LRBA: variants seen among roughly 807,000 people sequenced by gnomAD.
The protein encoded by LRBA is LPS responsive beige-like anchor protein.
Under a neutral mutation model 330.0 loss-of-function variants are expected in LRBA, and 176 were observed. The observed-to-expected ratio is 0.53, with a 90% CI of 0.47 to 0.60. LRBA has a LOEUF of 0.60. Ranked by LOEUF, LRBA falls within the 20% of genes least tolerant of loss-of-function variation. LRBA has a pLI of 0.00. For missense variants in LRBA, 3,259 were observed against 3,444.8 expected (o/e 0.95, Z 1.35); for synonymous variants, 1,230 against 1,193.0 (o/e 1.03, Z -0.64).
chr4:150,267,669 A>C (rs1217294960), intron 56 of LRBA, among the ~76,000 whole-genome samples: 4 of 152,204 alleles, frequency 2.6e-5, no homozygotes, highest in African/African-American at 9.7e-5. Context: ...AACAGAGTAG[A>C]GAGAAATAAA....
chr4:150,846,796 G>A (rs546882012), intron 26 of LRBA, among the ~76,000 whole-genome samples: 16 of 152,142 alleles, frequency 1.1e-4, no homozygotes, highest in Admixed American at 3.9e-4. Flanking sequence ...AAATGATCTT[G>A]GACAAGTCAT....
chr4:150,719,431 G>A (rs1728644686), intron 36 of LRBA, among the ~76,000 whole-genome samples: 1 of 151,922 alleles, frequency 6.6e-6, no homozygotes, highest in Admixed American at 6.6e-5. Context: ...AGGATGGTAG[G>A]CTGATATTGC....
chr4:150,773,314 T>C lies in LRBA; in HGVS notation c.5581-11467A>G, dbSNP rs117473143. Among the ~76,000 whole-genome samples, 261 of 152,372 alleles carry C rather than the reference T, an allele frequency of 1.7e-3. 6 individuals carry two copies. In the East Asian group the frequency reaches 0.04, roughly 23 times the overall value. ...ACATAGAGCAGTTAAGGGACACTGCTAGCCTTGCTAGCTGAAAGAAAACGA... is the reference window on the plus strand; with the variant it reads ...ACATAGAGCAGTTAAGGGACACTGCCAGCCTTGCTAGCTGAAAGAAAACGA... On this transcript the variant is annotated intron_variant, in intron 34 of 56. Coordinates refer to ENST00000651943, the MANE Select transcript of LRBA (RefSeq NM_001364905.1).
chr4:150,321,864 A>C lies in LRBA; in HGVS notation c.7453-496T>G, dbSNP rs1732556362. Among the ~76,000 whole-genome samples the C allele has an allele frequency of 6.6e-6, 1 of 152,206 alleles. No individual in the cohort carries two copies. Among genetic ancestry groups the C allele is most frequent in the Non-Finnish European group, 1.5e-5 (1 of 68,040 alleles). On this transcript the variant is annotated intron_variant, in intron 49 of 56. Transcript: ENST00000651943. This position sits in a 1 kb window ranked among gnomAD's most constrained non-coding sequence, Gnocchi z 4.5. ...GTTGAGTTAGCAGGAAGATTTTGAC[A>C]ACTACAAAGAGGTAATGAAAACAAA...
chr4:150,719,385 T>C (rs1728637764), intron 36 of LRBA, among the ~76,000 whole-genome samples: 1 of 151,950 alleles, frequency 6.6e-6, no homozygotes, highest in South Asian at 2.1e-4. Flanking sequence ...TCTCCATAAT[T>C]AATTAGAAAG....
chr4:150,631,130 C>T (rs1777334556), intron 37 of LRBA, among the ~76,000 whole-genome samples: 1 of 151,200 alleles, frequency 6.6e-6, no homozygotes, highest in Non-Finnish European at 1.5e-5. Context: ...GAAATAGTGG[C>T]AATATTCAAC....
chr4:150,434,712 G>C (rs936910818), intron 46 of LRBA, among the ~76,000 whole-genome samples: 1 of 151,994 alleles, frequency 6.6e-6, no homozygotes, highest in African/African-American at 2.4e-5. Context: ...TTAGCCTAGC[G>C]TGGTGGTACA....
intron 1 of LRBA, 23 bp from the exon 2 acceptor site, chr4:151,014,884 TTAAATAGGC>T: frequency 2.1e-6 from 1 of 473,512 alleles, no homozygotes; most frequent in South Asian, 4.6e-5. Flanking sequence ...TAAATATATG[TTAAATAGGC>T]TAGGTTTTGT....
intron 44 of LRBA, among the ~76,000 whole-genome samples, chr4:150,464,531 G>A (rs1046716541): frequency 2.0e-5 from 3 of 151,942 alleles, no homozygotes; most frequent in East Asian, 1.9e-4. Context: ...ATATGATACC[G>A]AGGTGTAAGG....
chr4:150,791,844 C>T (rs563432693), intron 34 of LRBA, among the ~76,000 whole-genome samples: 6 of 151,720 alleles, frequency 4.0e-5, no homozygotes, highest in East Asian at 1.9e-4. Context: ...CTGGCTAACA[C>T]AGTGAAACCC....
intron 36 of LRBA, among the ~76,000 whole-genome samples, chr4:150,714,147 A>C (rs963214677): frequency 6.6e-6 from 1 of 152,156 alleles, no homozygotes; most frequent in African/African-American, 2.4e-5. Context: ...CCAACCACAT[A>C]ATCAGTGGAC....
At chr4:150,901,361 A>C (rs1057212010) in intron 13 of LRBA, among the ~76,000 whole-genome samples, 4 of 152,182 alleles carry the variant, frequency 2.6e-5, no homozygotes, top group African/African-American at 9.7e-5. Flanking sequence ...TCCATTACTT[A>C]AAGCAGCAAA....
rs948131718 is a variant in LRBA, at chr4:150,643,971, T to C, written c.5921+39580A>G. On this transcript the variant is annotated intron_variant, in intron 37 of 56. Transcript: ENST00000651943. ...TCACTTAGCACTGATGCTCAGCACA[T>C]TTCAGATCATACTAATGTAGCTATA... 7.9e-5 allele frequency among the ~76,000 whole-genome samples: 12 copies of C among 151,936 alleles called. 1 individual carries two copies. Among genetic ancestry groups the C allele is most frequent in the African/African-American group, 2.2e-4 (9 of 41,434 alleles).
chr4:150,608,187 G>A (rs764121428), intron 37 of LRBA, among the ~76,000 whole-genome samples: 2 of 152,202 alleles, frequency 1.3e-5, no homozygotes, highest in Non-Finnish European at 2.9e-5. Flanking sequence ...CTCCAGCCCA[G>A]GTAACAGAGT....
intron 2 of LRBA, among the ~76,000 whole-genome samples, chr4:150,966,008 C>T (rs1345517011): frequency 6.6e-6 from 1 of 152,006 alleles, no homozygotes; most frequent in Non-Finnish European, 1.5e-5. Context: ...TTTGACAGAC[C>T]AGAAACAATA....
chr4:150,388,045 G>A (rs1261536148), intron 47 of LRBA, among the ~76,000 whole-genome samples: 1 of 152,200 alleles, frequency 6.6e-6, no homozygotes, highest in African/African-American at 2.4e-5. Flanking sequence ...TCTGAAGGCT[G>A]AATTAATTTA....
intron 36 of LRBA, among the ~76,000 whole-genome samples, chr4:150,710,164 G>A (rs948747783): frequency 5.9e-5 from 9 of 152,200 alleles, no homozygotes; most frequent in African/African-American, 2.2e-4. Context: ...ACAAAACACA[G>A]TATTGATAAC....
chr4:150,858,111 G>C (rs1579013903), intron 22 of LRBA, among the ~76,000 whole-genome samples: 1 of 152,012 alleles, frequency 6.6e-6, no homozygotes, highest in African/African-American at 2.4e-5. Context: ...ATTTCTGCTG[G>C]GTTCAAGATT....
At chr4:150,598,957 AC>A (rs1446450640) in intron 38 of LRBA, 49 bp downstream of exon 38, 1 of 1,602,834 alleles carries the variant, frequency 6.2e-7, no homozygotes, top group Admixed American at 1.7e-5. Context: ...GCTCTTCATT[AC>A]CAAGTCCTGT....
Sources: allele counts gnomAD v4.1 joint callset (sites outside exome capture counted in the v4.1 genomes callset), GRCh38; gene constraint gnomAD v4.1.1; non-coding constraint Gnocchi (gnomAD v3.1); transcripts MANE v1.5; gene names NCBI Gene and HGNC (gene_info 2026-07-23, HGNC 2026-07-21).